Variants in LMF1 observed in about 807,000 individuals in gnomAD.
LMF1 encodes the protein transmembrane protein 112.
Under a neutral mutation model 60.6 loss-of-function variants are expected in LMF1, and 68 were observed. The observed-to-expected ratio is 1.12, with a 90% CI of 0.92 to 1.37. The LOEUF (loss-of-function observed/expected upper bound fraction) is 1.37, where lower values mean the gene tolerates loss of function less well. Among genes scored for constraint, LMF1 ranks in the 40% most tolerant of loss-of-function variants. The probability of loss-of-function intolerance (pLI) is 0.00; values close to 1 mark genes in which losing one functional copy is unlikely to be tolerated. For synonymous variants in LMF1, 418 were observed against 324.7 expected (o/e 1.29, Z -3.09); for missense variants, 948 against 767.2 (o/e 1.24, Z -2.78).
rs561810827 is a variant in LMF1 at position 853,738 on chromosome 16, T to C, written c.*794A>G. On this transcript the variant is annotated 3_prime_UTR_variant, in exon 11 of 11. Transcript: ENST00000262301. ...AAAAATGTGCAGTAGACGCTGTTTG[T>C]CCGACGATGATGAAAGTGTGCACGG... 1 of 454,150 alleles carries C rather than the reference T, an allele frequency of 2.2e-6. No homozygotes were observed. The highest frequency in any genetic ancestry group is 2.3e-5 in the Admixed American group (1 of 42,578). The allele number at this position is 454,150 out of a possible 1,614,324, so 28.1% of individuals were successfully genotyped here.
At chr16:970,991 G>A (rs773764320), upstream of LMF1, 3 of 1,472,788 alleles carry the variant, frequency 2.0e-6, no homozygotes, top group South Asian at 4.1e-5. Context: ...GTGCGGGGAG[G>A]GCGCACTCCC....
chr16:901,300 C>A (rs1163410481), intron 4 of LMF1: 1 of 152,088 alleles, frequency 6.6e-6, no homozygotes, highest in African/African-American at 2.4e-5. Flanking sequence ...TGGTTTGGCT[C>A]CAGGGGGCGT....
chr16:872,151 CA>C (rs1378186623), intron 6 of LMF1: 2 of 152,320 alleles, frequency 1.3e-5, no homozygotes, highest in East Asian at 3.9e-4. Context: ...ATCAGGGAGA[CA>C]GGGGCAGCTT....
At chr16:865,792 G>C (rs1019070426) in intron 10 of LMF1, among the ~76,000 whole-genome samples, 2 of 152,142 alleles carry the variant, frequency 1.3e-5, no homozygotes, top group South Asian at 4.1e-4. Flanking sequence ...TGGATCTTCT[G>C]TTACAGTCTC....
intron 3 of LMF1, among the ~76,000 whole-genome samples, chr16:926,574 G>A (rs144248105): frequency 6.6e-6 from 1 of 152,388 alleles, no homozygotes; most frequent in African/African-American, 2.4e-5. Context: ...GGTTAACACG[G>A]GGTGGATGTA....
chr16:883,566 C>T (rs2070226052), intron 5 of LMF1, among the ~76,000 whole-genome samples: 1 of 152,246 alleles, frequency 6.6e-6, no homozygotes, highest in South Asian at 2.1e-4. Flanking sequence ...CTTTGGGTAA[C>T]AGATACTTAG....
At chr16:864,562 A>T (rs1165489081) in intron 10 of LMF1, among the ~76,000 whole-genome samples, 3 of 152,052 alleles carry the variant, frequency 2.0e-5, no homozygotes, top group Non-Finnish European at 4.4e-5. Context: ...GCTACGACGG[A>T]TGTTTGGTAG....
intron 5 of LMF1, among the ~76,000 whole-genome samples, chr16:882,808 G>C (rs2070198520): frequency 7.6e-6 from 1 of 132,320 alleles, no homozygotes; most frequent in Non-Finnish European, 1.6e-5. Flanking sequence ...GGAGGAGCCG[G>C]CGGCAGAGCC....
At chr16:919,739 G>A (rs1471517155) in intron 3 of LMF1, among the ~76,000 whole-genome samples, 1 of 152,094 alleles carries the variant, frequency 6.6e-6, no homozygotes, top group African/African-American at 2.4e-5. Flanking sequence ...ACACTGGTGT[G>A]CAGAGAGGAC....
Position 897,713 on chromosome 16 carries a change from C to T in LMF1, c.664-4641G>A, listed in dbSNP as rs1275344778. On this transcript the variant is annotated intron_variant, in intron 4 of 10. Coordinates refer to ENST00000262301, the MANE Select transcript of LMF1 (RefSeq NM_022773.4). This position sits in a 1 kb window ranked among gnomAD's most constrained non-coding sequence, Gnocchi z 4.3. ...TCAGGGTGAAGGGACCGCTGGTGGG[C>T]TCCGTGGGCAGAGGCACTATGGGGT... Among the ~76,000 whole-genome samples, 3 of 152,136 alleles carry T rather than the reference C, an allele frequency of 2.0e-5. No homozygotes were observed. The highest frequency in any genetic ancestry group is 4.4e-5 in the Non-Finnish European group (3 of 68,028).
At chr16:939,404 T>C (rs574343999) in intron 2 of LMF1, among the ~76,000 whole-genome samples, 11 of 152,238 alleles carry the variant, frequency 7.2e-5, no homozygotes, top group African/African-American at 2.6e-4. Context: ...GCCACCGAGG[T>C]GCCACTTCCA....
rs2070019421 is a variant in LMF1, at chr16:877,274, ACAGATGAAC to A, written c.897+2287_897+2295del. On this transcript the variant is annotated intron_variant, in intron 6 of 10. Coordinates refer to ENST00000262301, the MANE Select transcript of LMF1 (RefSeq NM_022773.4). ...ACTTTTTTTGCCAAAAGATTTGAAA[ACAGATGAAC>A]AAATTCCCAGGGAAATGTTCACCAC... Among the ~76,000 whole-genome samples the A allele has an allele frequency of 1.1e-4, 16 of 152,334 alleles. No individual in the cohort carries two copies. In the Middle Eastern group the frequency reaches 0.024, roughly 227 times the overall value.
intron 1 of LMF1, chr16:964,087 C>T (rs754004185): frequency 1.8e-5 from 8 of 456,014 alleles, no homozygotes; most frequent in South Asian, 3.1e-5. Flanking sequence ...AATACCGTGT[C>T]GCCCGAGCAG....
intron 3 of LMF1, among the ~76,000 whole-genome samples, chr16:917,485 G>A (rs12933859): frequency 7.7e-6 from 1 of 129,482 alleles, no homozygotes; most frequent in African/African-American, 3.6e-5. Flanking sequence ...CGCTGCGGGC[G>A]GGCGCAGGCC....
At chr16:870,146 C>T in intron 8 of LMF1, 80 bp from the exon 9 acceptor site, 7 of 1,475,338 alleles carry the variant, frequency 4.7e-6, no homozygotes, top group South Asian at 2.6e-5. Flanking sequence ...GGGGGGTTCC[C>T]CGACTGTCCA....
At chr16:926,389 G>C (rs940587599) in intron 3 of LMF1, among the ~76,000 whole-genome samples, 2 of 152,188 alleles carry the variant, frequency 1.3e-5, no homozygotes, top group African/African-American at 4.8e-5. Context: ...TGTGTCATGT[G>C]TGTAGTTTGC....
At chr16:959,865 T>C (rs1400454241) in intron 1 of LMF1, among the ~76,000 whole-genome samples, 1 of 131,046 alleles carries the variant, frequency 7.6e-6, no homozygotes, top group Non-Finnish European at 1.5e-5. Flanking sequence ...GACGGGAGGA[T>C]GGAATACACC....
At chr16:863,412 G>A (rs1015207660) in intron 10 of LMF1, among the ~76,000 whole-genome samples, 2 of 152,020 alleles carry the variant, frequency 1.3e-5, no homozygotes, top group African/African-American at 4.8e-5. Context: ...AAAGTGCGGT[G>A]ATTTCAGGCA....
intron 10 of LMF1, chr16:855,027 A>G (rs2069148928): frequency 2.2e-6 from 1 of 457,940 alleles, no homozygotes; most frequent in South Asian, 2.1e-5. Context: ...GGTGGCACTG[A>G]GCAAGCCTGA....
Sources: gnomAD v4.1 joint callset for allele counts (sites outside exome capture counted in the v4.1 genomes callset) on GRCh38, gnomAD v4.1.1 for gene constraint, Gnocchi (gnomAD v3.1) non-coding constraint, MANE v1.5 for transcripts, NCBI Gene and HGNC (gene_info 2026-07-23, HGNC 2026-07-21) for gene names.